ATXN7: variants seen among roughly 807,000 people sequenced by gnomAD.
ATXN7 encodes ataxin-7.
A neutral mutation model predicts 70.5 loss-of-function variants in ATXN7; 12 were observed. The observed-to-expected ratio is 0.17, with a 90% CI of 0.11 to 0.28. The LOEUF (loss-of-function observed/expected upper bound fraction) is 0.28, where lower values mean the gene tolerates loss of function less well. Among genes scored for constraint, ATXN7 ranks in the 10% least tolerant of loss-of-function variants. The probability of loss-of-function intolerance (pLI) is 1.00; values close to 1 mark genes in which losing one functional copy is unlikely to be tolerated. For missense variants in ATXN7, 1,256 were observed against 1,131.7 expected (o/e 1.11, Z -1.58); for synonymous variants, 498 against 448.7 (o/e 1.11, Z -1.39).
chr3:63,913,987 TG>T (rs1704161142), intron 4 of ATXN7, among the ~76,000 whole-genome samples: 1 of 152,130 alleles, frequency 6.6e-6, no homozygotes, highest in South Asian at 2.1e-4. Context: ...GCACTAGGCC[TG>T]GGCATACCGT....
Position 63,988,330 on chromosome 3 carries a change from C to T in ATXN7, c.1361+6C>T. On this transcript the variant is annotated splice_donor_region_variant and intron_variant, in intron 9 of 12. Coordinates refer to ENST00000674280, the MANE Select transcript of ATXN7 (RefSeq NM_001377405.1). ...CACACCCCCAGTCTTCCAAGGTAAG[C>T]CAGGCCCTCCAACTCTTTCTCCCAC... The T allele has an allele frequency of 3.1e-6, 5 of 1,613,906 alleles. No individual in the cohort carries two copies. The highest frequency in any genetic ancestry group is 3.4e-6 in the Non-Finnish European group (4 of 1,179,942).
At chr3:63,881,484 ATTTTTTTTT>A (rs909777356) in intron 1 of ATXN7, among the ~76,000 whole-genome samples, 1 of 120,810 alleles carries the variant, frequency 8.3e-6, no homozygotes, top group African/African-American at 3.1e-5. Context: ...TGGTTGGAGC[ATTTTTTTTT>A]TTTTTTTTTT....
At chr3:63,987,678 CAA>C (rs753867859) in intron 8 of ATXN7, among the ~76,000 whole-genome samples, 3 of 151,874 alleles carry the variant, frequency 2.0e-5, no homozygotes, top group Non-Finnish European at 2.9e-5. Context: ...TTAAATGGTC[CAA>C]AGAGGGTTTT....
chr3:63,871,106 C>T (rs749177332), intron 1 of ATXN7, among the ~76,000 whole-genome samples: 1 of 152,148 alleles, frequency 6.6e-6, no homozygotes, highest in Non-Finnish European at 1.5e-5. Context: ...TCAACATTCT[C>T]TACTGATTTG....
In ATXN7 at chr3:64,001,197, A is replaced by G. The variant is rs2075829575; in HGVS notation, c.*1730A>G. ...AAGAAAACAAAAACTTTATGCAGAT[A>G]CTTTAGCTATAAATTGATGTAAAAT... On this transcript the variant is annotated 3_prime_UTR_variant, in exon 13 of 13. Transcript: ENST00000674280. 1 of 152,132 alleles carries G rather than the reference A, an allele frequency of 6.6e-6. No homozygotes were observed. The highest frequency in any genetic ancestry group is 6.5e-5 in the Admixed American group (1 of 15,280). The allele number at this position is 152,132 out of a possible 1,614,324, so 9.4% of individuals were successfully genotyped here. A position where few individuals can be genotyped will look rare whatever the true frequency, so the allele number is the denominator to read the frequency against.
intron 1 of ATXN7, among the ~76,000 whole-genome samples, chr3:63,872,877 G>C (rs1702638707): frequency 6.6e-6 from 1 of 152,132 alleles, no homozygotes; most frequent in Admixed American, 6.5e-5. Flanking sequence ...TATGAAAAGT[G>C]AGCCTTAGAA....
At chr3:63,946,765 C>T (rs1177573658) in intron 4 of ATXN7, among the ~76,000 whole-genome samples, 5 of 152,132 alleles carry the variant, frequency 3.3e-5, no homozygotes, top group East Asian at 1.9e-4. Flanking sequence ...GCTAGGTAGG[C>T]GCCTTGTTGC....
intron 2 of ATXN7, chr3:63,901,362 TCATTCTTCCTAACTG>T (rs748719522): frequency 5.3e-5 from 8 of 152,216 alleles, no homozygotes; most frequent in Non-Finnish European, 5.9e-5. Context: ...GTTCTTGAAC[TCATTCTTCCTAACTG>T]AAATTTTGTA....
chr3:63,872,323 T>C (rs528461930), intron 1 of ATXN7, among the ~76,000 whole-genome samples: 1 of 152,366 alleles, frequency 6.6e-6, no homozygotes, highest in Admixed American at 6.5e-5. Context: ...TACCATTTTA[T>C]TTGCTCATAA....
chr3:63,964,110 G>A (rs1284863639), intron 5 of ATXN7, among the ~76,000 whole-genome samples: 1 of 143,374 alleles, frequency 7.0e-6, no homozygotes, highest in Non-Finnish European at 1.5e-5. Context: ...ACACACACAC[G>A]TATGATTAAT....
At chr3:63,974,175 C>T (rs895036981) in intron 5 of ATXN7, among the ~76,000 whole-genome samples, 2 of 152,220 alleles carry the variant, frequency 1.3e-5, no homozygotes, top group Non-Finnish European at 2.9e-5. Flanking sequence ...AATTGCTACA[C>T]TGGCTGACAC....
intron 12 of ATXN7, 185 bp from the exon 13 acceptor site, chr3:63,999,265 G>GTA (rs1339752499): frequency 2.0e-5 from 12 of 589,700 alleles, no homozygotes; most frequent in Admixed American, 5.7e-5. Flanking sequence ...ATTGTGCCCA[G>GTA]TAGTAGTGAA....
At chr3:63,863,658 C>A, upstream of ATXN7, 1 of 1,220,778 alleles carries the variant, frequency 8.2e-7, no homozygotes, top group Non-Finnish European at 1.0e-6. Context: ...AGCGCTCTGG[C>A]GAAGAGGCCG....
chr3:63,986,934 G>A (rs2075587146), intron 8 of ATXN7, among the ~76,000 whole-genome samples: 2 of 152,142 alleles, frequency 1.3e-5, no homozygotes, highest in Admixed American at 1.3e-4. Context: ...GGAAACGTGG[G>A]TGAATTCATT....
Position 63,965,790 on chromosome 3 carries a change from A to G in ATXN7, c.499+13307A>G, listed in dbSNP as rs553945800. 1.4e-4 allele frequency among the ~76,000 whole-genome samples: 22 copies of G among 152,352 alleles called. No individual in the cohort carries two copies. The East Asian group carries it at 4.2e-3, about 29-fold the overall frequency. The stretch of plus-strand genomic sequence containing the variant: ...AAAGCAGTATTTGCTTAAACATTTT[A>G]TTCAGGGCATTAAGGGGGCACATGT... On this transcript the variant is annotated intron_variant, in intron 5 of 12. Transcript: ENST00000674280.
intron 3 of ATXN7, 64 bp downstream of exon 3, chr3:63,912,987 C>T (rs1426593607): frequency 1.5e-6 from 2 of 1,339,930 alleles, no homozygotes; most frequent in Non-Finnish European, 2.0e-6. Context: ...TCCTCCCCTC[C>T]CCCCTGCCCC....
chr3:63,886,181 C>A (rs1703081727), intron 1 of ATXN7, among the ~76,000 whole-genome samples: 1 of 152,146 alleles, frequency 6.6e-6, no homozygotes, highest in Non-Finnish European at 1.5e-5. Context: ...ATCTCACTTA[C>A]ATGTGGAATC....
intron 12 of ATXN7, 125 bp downstream of exon 12, chr3:63,996,608 G>T: frequency 1.6e-5 from 8 of 489,692 alleles, no homozygotes; most frequent in Non-Finnish European, 2.6e-5. Context: ...CAGCTTCATG[G>T]TGTCTTCTTA....
At chr3:63,988,380 C>G (rs1262686860) in intron 9 of ATXN7, 56 bp downstream of exon 9, 1 of 1,600,150 alleles carries the variant, frequency 6.2e-7, no homozygotes, top group East Asian at 2.2e-5. Flanking sequence ...CTTGCAGATA[C>G]TGTAAAATTT....
Sources: gnomAD v4.1 joint callset for allele counts (sites outside exome capture counted in the v4.1 genomes callset) on GRCh38, gnomAD v4.1.1 for gene constraint, MANE v1.5 for transcripts, NCBI Gene and HGNC (gene_info 2026-07-23, HGNC 2026-07-21) for gene names.